Variants in COL8A1 observed in about 807,000 individuals in gnomAD.
COL8A1 encodes collagen alpha-1(VIII) chain.
COL8A1 carries 21 observed loss-of-function variants against 42.7 expected under a neutral mutation model. That is an observed-to-expected ratio of 0.49 (90% confidence interval 0.35 to 0.71). The LOEUF is 0.71. COL8A1 is among the 30% of genes least tolerant of loss of function. The probability of loss-of-function intolerance (pLI) is 0.01; values close to 1 mark genes in which losing one functional copy is unlikely to be tolerated. For synonymous variants in COL8A1, 367 were observed against 369.1 expected, an observed-to-expected ratio of 0.99 and a Z score of 0.06; for missense variants, 788 against 962.4, an observed-to-expected ratio of 0.82 and a Z score of 2.40.
chr3:99,765,135 C>T (rs559309019), intron 2 of COL8A1, among the ~76,000 whole-genome samples: 1 of 152,266 alleles, frequency 6.6e-6, no homozygotes, highest in Non-Finnish European at 1.5e-5. Flanking sequence ...CAAGTGTAGG[C>T]AATGTAACAA....
In COL8A1 at chr3:99,718,792, G is replaced by A. The variant is rs9820799; in HGVS notation, c.-128-26105G>A. On this transcript the variant is annotated intron_variant, in intron 1 of 3. Transcript: ENST00000652472. Reference sequence around the variant, plus strand: ...AAATAAAATTCAGTTGCATACTTACGTGTACCAGAATGCCACAGCATCATT... The same window carrying A: ...AAATAAAATTCAGTTGCATACTTACATGTACCAGAATGCCACAGCATCATT... Among the ~76,000 whole-genome samples the A allele has an allele frequency of 4.8e-3, 733 of 152,086 alleles. 5 individuals carry two copies. The highest frequency in any genetic ancestry group is 0.016 in the African/African-American group (679 of 41,530).
At position 99,729,841 on chromosome 3, in the gene COL8A1, T is replaced by C. The variant is rs556752674; in HGVS notation, c.-128-15056T>C. 4.6e-5 allele frequency among the ~76,000 whole-genome samples: 7 copies of C among 152,158 alleles called. No homozygotes were observed. The East Asian group carries it at 1.2e-3, about 25-fold the overall frequency. On this transcript the variant is annotated intron_variant, in intron 1 of 3. Transcript: ENST00000652472. ...GTACTACTCTATGAGAAGGTAAGAA[T>C]AGCTTAAAGGAACCTCAAGATGCCT...
intron 1 of COL8A1, among the ~76,000 whole-genome samples, chr3:99,685,160 C>T (rs1939012392): frequency 6.6e-6 from 1 of 151,986 alleles, no homozygotes; most frequent in African/African-American, 2.4e-5. Flanking sequence ...TCTAAGAAAA[C>T]AAATGCAGAT....
intron 2 of COL8A1, among the ~76,000 whole-genome samples, chr3:99,769,009 G>A (rs1559631308): frequency 1.3e-5 from 2 of 152,192 alleles, no homozygotes; most frequent in African/African-American, 4.8e-5. Context: ...AAAGGATTTT[G>A]TTGTTATTTG....
chr3:99,719,602 G>T (rs532345890), intron 1 of COL8A1, among the ~76,000 whole-genome samples: 5 of 152,238 alleles, frequency 3.3e-5, no homozygotes, highest in Admixed American at 3.3e-4. Context: ...AAGGGAACAG[G>T]TAAGACTTTC....
intron 1 of COL8A1, among the ~76,000 whole-genome samples, chr3:99,697,232 C>T (rs1015027765): frequency 6.6e-6 from 1 of 151,878 alleles, no homozygotes; most frequent in South Asian, 2.1e-4. Flanking sequence ...GTGATCCGCC[C>T]GCCTCGGCCT....
At chr3:99,703,661 T>C (rs1439242042) in intron 1 of COL8A1, 1 of 152,242 alleles carries the variant, frequency 6.6e-6, no homozygotes, top group African/African-American at 2.4e-5. Context: ...TAGAATTTCA[T>C]ATTGACTTTG....
intron 1 of COL8A1, among the ~76,000 whole-genome samples, chr3:99,697,467 G>C (rs530278515): frequency 6.6e-6 from 1 of 152,154 alleles, no homozygotes; most frequent in African/African-American, 2.4e-5. Flanking sequence ...GAAGTTAAAA[G>C]GAAAACAACC....
chr3:99,774,612 G>A (rs993174965), intron 2 of COL8A1, among the ~76,000 whole-genome samples: 6 of 152,010 alleles, frequency 3.9e-5, no homozygotes, highest in Admixed American at 3.9e-4. Context: ...TGTGTGTTGG[G>A]CTGTTCATAT....
In COL8A1 at chr3:99,758,014, G is replaced by T. The variant is rs569520413; in HGVS notation, c.-4+12993G>T. Among the ~76,000 whole-genome samples, 86 of 152,234 alleles carry T rather than the reference G, an allele frequency of 5.6e-4. 1 individual carries two copies. Among genetic ancestry groups the T allele is most frequent in the African/African-American group, 1.9e-3 (81 of 41,540 alleles). On this transcript the variant is annotated intron_variant, in intron 2 of 3. Coordinates refer to ENST00000652472, the MANE Select transcript of COL8A1 (RefSeq NM_020351.4). ...TTAGGTTGATACCAAAGTAATCATG[G>T]TTTTTGCCACTACTTTCAATGGCAA...
chr3:99,743,923 G>C (rs1009758928), intron 1 of COL8A1, among the ~76,000 whole-genome samples: 2 of 151,042 alleles, frequency 1.3e-5, no homozygotes, highest in African/African-American at 4.9e-5. Context: ...AGCAAATGTA[G>C]ATAATTCTTT....
chr3:99,644,573 C>T (rs970318389), intron 1 of COL8A1, among the ~76,000 whole-genome samples: 3 of 152,148 alleles, frequency 2.0e-5, no homozygotes, highest in African/African-American at 7.2e-5. Context: ...TTCCATATCT[C>T]CGAAATAGTA....
intron 1 of COL8A1, among the ~76,000 whole-genome samples, chr3:99,738,580 T>A (rs1559623577): frequency 6.6e-6 from 1 of 152,212 alleles, no homozygotes. Flanking sequence ...AGTCTGCCCG[T>A]TCTCAGATCT....
chr3:99,684,614 G>A lies in COL8A1; in HGVS notation c.-129+45950G>A, dbSNP rs146577639. 1.8e-3 allele frequency among the ~76,000 whole-genome samples: 276 copies of A among 152,196 alleles called. 2 individuals are homozygous for A. The highest frequency in any genetic ancestry group is 5.8e-3 in the African/African-American group (242 of 41,520). On this transcript the variant is annotated intron_variant, in intron 1 of 3. Transcript: ENST00000652472. ...GACAGTAGTCAGATCTCAATAACCC[G>A]TTTCCCATTGCTATTTGTGAATTGT...
chr3:99,646,628 T>G (rs1937647589), intron 1 of COL8A1, among the ~76,000 whole-genome samples: 1 of 152,164 alleles, frequency 6.6e-6, no homozygotes, highest in African/African-American at 2.4e-5. Flanking sequence ...TCAAAGTATT[T>G]ATACAAAATC....
intron 1 of COL8A1, among the ~76,000 whole-genome samples, chr3:99,706,844 G>A (rs1369372812): frequency 2.0e-5 from 3 of 152,106 alleles, no homozygotes; most frequent in South Asian, 2.1e-4. Context: ...TGAAATCACC[G>A]CAAAAGGGAC....
intron 1 of COL8A1, among the ~76,000 whole-genome samples, chr3:99,710,617 G>A (rs1939806936): frequency 1.3e-5 from 2 of 152,196 alleles, no homozygotes; most frequent in African/African-American, 2.4e-5. Context: ...ACTGTCAGGA[G>A]GAGCAGCCAG....
At chr3:99,745,594 T>C (rs896094496) in intron 2 of COL8A1, among the ~76,000 whole-genome samples, 15 of 152,194 alleles carry the variant, frequency 9.9e-5, no homozygotes, top group African/African-American at 3.6e-4. Flanking sequence ...TGAGCTGTAA[T>C]GAAGAAATGA....
At chr3:99,779,004 T>C (rs1379294750) in intron 2 of COL8A1, among the ~76,000 whole-genome samples, 1 of 152,220 alleles carries the variant, frequency 6.6e-6, no homozygotes, top group Non-Finnish European at 1.5e-5. Flanking sequence ...TTCTAGAATT[T>C]ATCACCAAGA....
Sources: gnomAD v4.1 joint callset for allele counts (sites outside exome capture counted in the v4.1 genomes callset) on GRCh38, gnomAD v4.1.1 for gene constraint, MANE v1.5 for transcripts, NCBI Gene and HGNC (gene_info 2026-07-23, HGNC 2026-07-21) for gene names.